Variants in SCHIP1 observed in about 807,000 individuals in gnomAD.
The protein encoded by SCHIP1 is schwannomin interacting protein 1.
A neutral mutation model predicts 29.7 loss-of-function variants in SCHIP1; 8 were observed. That is an observed-to-expected ratio of 0.27 (90% CI 0.16 to 0.49). The LOEUF is 0.49. Ranked by LOEUF, SCHIP1 falls within the 20% of genes least tolerant of loss-of-function variation. SCHIP1 has a pLI of 0.99. For missense variants in SCHIP1, 193 were observed against 294.6 expected, an observed-to-expected ratio of 0.66 and a Z score of 2.52; for synonymous variants, 76 against 94.9, an observed-to-expected ratio of 0.80 and a Z score of 1.16.
the SCHIP1 span, among the ~76,000 whole-genome samples, chr3:159,493,364 A>G: frequency 2.0e-5 from 3 of 152,214 alleles, no homozygotes; most frequent in Admixed American, 6.5e-5. Flanking sequence ...CCCATCTCAC[A>G]TGCAGAGATA....
the SCHIP1 span, among the ~76,000 whole-genome samples, chr3:159,634,243 G>T: frequency 6.6e-6 from 1 of 152,144 alleles, no homozygotes; most frequent in Admixed American, 6.6e-5. Context: ...GTCATTAAGA[G>T]TTGCAATGGA....
At chr3:159,321,371 G>T in the SCHIP1 span, among the ~76,000 whole-genome samples, 2 of 152,162 alleles carry the variant, frequency 1.3e-5, no homozygotes, top group African/African-American at 4.8e-5. Context: ...CTGCATTTCA[G>T]CTGGATAAAT....
At chr3:159,415,409 T>G in the SCHIP1 span, among the ~76,000 whole-genome samples, 1 of 152,200 alleles carries the variant, frequency 6.6e-6, no homozygotes, top group African/African-American at 2.4e-5. Context: ...GTATTAAGCC[T>G]AGTACCCAAC....
At chr3:159,509,421 A>C in the SCHIP1 span, among the ~76,000 whole-genome samples, 1 of 152,188 alleles carries the variant, frequency 6.6e-6, no homozygotes, top group Admixed American at 6.5e-5. Context: ...CTCTTTATCC[A>C]ATTTGCCAGT....
At chr3:159,484,689 A>C in the SCHIP1 span, among the ~76,000 whole-genome samples, 24 of 152,164 alleles carry the variant, frequency 1.6e-4, no homozygotes, top group East Asian at 1.9e-4. Flanking sequence ...GGAAAAAAAA[A>C]CCTGCATAAA....
the SCHIP1 span, among the ~76,000 whole-genome samples, chr3:159,737,602 A>G: frequency 6.6e-6 from 1 of 152,338 alleles, no homozygotes; most frequent in East Asian, 1.9e-4. Context: ...TGTGCTAAAG[A>G]CACATGTTAT....
chr3:159,832,750 T>C, the SCHIP1 span, among the ~76,000 whole-genome samples: 1 of 152,216 alleles, frequency 6.6e-6, no homozygotes, highest in Non-Finnish European at 1.5e-5. Context: ...TCTCACTTTG[T>C]TGACTATGTC....
the SCHIP1 span, among the ~76,000 whole-genome samples, chr3:159,551,575 A>G: frequency 1.3e-5 from 2 of 152,194 alleles, no homozygotes; most frequent in Non-Finnish European, 2.9e-5. Context: ...ATAATAATGA[A>G]CTGTATAATA....
chr3:159,273,439 C>A, the SCHIP1 span: 1 of 1,029,972 alleles, frequency 9.7e-7, no homozygotes, highest in Non-Finnish European at 1.2e-6. Flanking sequence ...GAATCGGCTG[C>A]TTTGGACTAA....
chr3:159,368,509 G>A, the SCHIP1 span, among the ~76,000 whole-genome samples: 1 of 152,316 alleles, frequency 6.6e-6, no homozygotes, highest in Admixed American at 6.5e-5. Context: ...ATTGGCTAAT[G>A]TTGAACGAAT....
the SCHIP1 span, among the ~76,000 whole-genome samples, chr3:159,495,125 C>T: frequency 2.0e-5 from 3 of 152,076 alleles, no homozygotes; most frequent in Non-Finnish European, 2.9e-5. Context: ...TAAGAGCTAT[C>T]TATGACAAAC....
chr3:159,429,484 T>C, the SCHIP1 span, among the ~76,000 whole-genome samples: 1 of 152,124 alleles, frequency 6.6e-6, no homozygotes, highest in East Asian at 1.9e-4. Flanking sequence ...CAATAAATTA[T>C]CCTATTTGTA....
chr3:159,492,895 C>A, the SCHIP1 span, among the ~76,000 whole-genome samples: 169 of 149,404 alleles, frequency 1.1e-3, 2 homozygotes, highest in East Asian at 0.014. Flanking sequence ...AGACTAACAG[C>A]TGATCTCTCA....
the SCHIP1 span, among the ~76,000 whole-genome samples, chr3:159,759,353 G>A: frequency 2.0e-5 from 3 of 152,192 alleles, no homozygotes; most frequent in African/African-American, 7.2e-5. Context: ...GATAGATCTG[G>A]ATTTTTAATT....
the SCHIP1 span, among the ~76,000 whole-genome samples, chr3:159,418,654 G>C: frequency 0.37 from 56,112 of 151,726 alleles, 10,699 homozygotes; most frequent in South Asian, 0.59. Flanking sequence ...TTCTTTCTTT[G>C]TTTGTTTATT....
At chr3:159,426,767 T>C in the SCHIP1 span, among the ~76,000 whole-genome samples, 4 of 152,324 alleles carry the variant, frequency 2.6e-5, no homozygotes, top group East Asian at 7.7e-4. Flanking sequence ...TTGATGAACA[T>C]TGATGCAAAA....
the SCHIP1 span, among the ~76,000 whole-genome samples, chr3:159,632,600 T>C: frequency 9.2e-5 from 14 of 152,140 alleles, no homozygotes; most frequent in African/African-American, 2.9e-4. Context: ...ACAAATGATA[T>C]TGTAGCCATG....
intron 1 of SCHIP1, among the ~76,000 whole-genome samples, chr3:159,849,951 C>T (rs774426150): frequency 3.3e-5 from 5 of 152,184 alleles, no homozygotes; most frequent in Non-Finnish European, 7.3e-5. Flanking sequence ...CAGTGTTCTA[C>T]ATGCTATGGG....
chr3:159,401,314 T>C, the SCHIP1 span: 18 of 933,888 alleles, frequency 1.9e-5, no homozygotes, highest in East Asian at 1.2e-4. Flanking sequence ...TTTGAAAATA[T>C]ACAAACTCTA....
Sources: allele counts gnomAD v4.1 joint callset (sites outside exome capture counted in the v4.1 genomes callset), GRCh38; gene constraint gnomAD v4.1.1; transcripts MANE v1.5; gene names NCBI Gene and HGNC (gene_info 2026-07-23, HGNC 2026-07-21).